The following NRXN1 variants were observed in gnomAD, a reference collection of about 807,000 sequenced individuals.
The protein encoded by NRXN1 is neurexin 1.
Under a neutral mutation model 150.9 loss-of-function variants are expected in NRXN1, and 39 were observed. The ratio of observed to expected loss-of-function variants is 0.26; its 90% CI spans 0.20 to 0.34. The LOEUF (loss-of-function observed/expected upper bound fraction) is 0.34. Among genes scored for constraint, NRXN1 ranks in the 10% least tolerant of loss-of-function variants. The pLI is 1.00. For synonymous variants in NRXN1, 924 were observed against 757.0 expected (o/e 1.22, Z -3.62); for missense variants, 1,815 against 1,949.9 (o/e 0.93, Z 1.30).
intron 17 of NRXN1, among the ~76,000 whole-genome samples, chr2:50,399,668 A>T (rs2082268847): frequency 6.6e-6 from 1 of 151,786 alleles, no homozygotes; most frequent in South Asian, 2.1e-4. Flanking sequence ...GGCTCTCACC[A>T]CTAAGTCATG....
At chr2:50,463,789 A>G (rs1408199840) in intron 17 of NRXN1, among the ~76,000 whole-genome samples, 1 of 151,800 alleles carries the variant, frequency 6.6e-6, no homozygotes. Context: ...TGGAAACTAC[A>G]TTAAGCATAG....
chr2:50,453,552 A>G (rs1218231828), intron 17 of NRXN1, among the ~76,000 whole-genome samples: 2 of 152,214 alleles, frequency 1.3e-5, no homozygotes, highest in Non-Finnish European at 2.9e-5. Flanking sequence ...TTTCAGGTAT[A>G]TTCTACTAAA....
intron 14 of NRXN1, 40 bp downstream of exon 14, chr2:50,497,293 A>C (rs199707326): frequency 7.0e-7 from 1 of 1,420,290 alleles, no homozygotes; most frequent in Non-Finnish European, 9.2e-7. Flanking sequence ...CCATTTTTCC[A>C]AAGTTTTATT....
At chr2:50,670,806 GA>G (rs1170861021) in intron 5 of NRXN1, among the ~76,000 whole-genome samples, 1 of 151,866 alleles carries the variant, frequency 6.6e-6, no homozygotes, top group Non-Finnish European at 1.5e-5. Flanking sequence ...TTATTAGATT[GA>G]GGTTATGCAT....
chr2:50,048,000 G>A (rs1282098019), intron 21 of NRXN1, among the ~76,000 whole-genome samples: 1 of 151,930 alleles, frequency 6.6e-6, no homozygotes, highest in African/African-American at 2.4e-5. Flanking sequence ...AGAGCATTTT[G>A]TCATCTAGTA....
chr2:49,939,887 T>G (rs1419516536), intron 22 of NRXN1, among the ~76,000 whole-genome samples: 1 of 152,174 alleles, frequency 6.6e-6, no homozygotes, highest in African/African-American at 2.4e-5. Context: ...TGATCAATGT[T>G]GAAGCTGATA....
At chr2:50,459,847 A>C (rs1001069959) in intron 17 of NRXN1, among the ~76,000 whole-genome samples, 1 of 152,092 alleles carries the variant, frequency 6.6e-6, no homozygotes, top group African/African-American at 2.4e-5. Flanking sequence ...TAAAAAGTAA[A>C]ATTAAACTTA....
intron 17 of NRXN1, among the ~76,000 whole-genome samples, chr2:50,355,318 A>G (rs1166446432): frequency 6.7e-6 from 1 of 150,308 alleles, no homozygotes; most frequent in East Asian, 1.9e-4. Context: ...TAGGTTACAC[A>G]TTTTGTCAGA....
intron 21 of NRXN1, among the ~76,000 whole-genome samples, chr2:50,025,058 T>C (rs1688083485): frequency 6.6e-6 from 1 of 152,146 alleles, no homozygotes; most frequent in Non-Finnish European, 1.5e-5. Flanking sequence ...CACTAGATAC[T>C]GTGAAGAGAT....
chr2:50,599,202 C>T (rs1484464671), intron 8 of NRXN1, among the ~76,000 whole-genome samples: 1 of 152,092 alleles, frequency 6.6e-6, no homozygotes, highest in Non-Finnish European at 1.5e-5. Context: ...GACTTATTTG[C>T]CCAAGGTCAC....
intron 2 of NRXN1, among the ~76,000 whole-genome samples, chr2:50,965,507 C>A (rs145995350): frequency 2.0e-5 from 3 of 151,326 alleles, no homozygotes; most frequent in Non-Finnish European, 3.0e-5. Flanking sequence ...AATTTAATAA[C>A]AAAATAATGT....
intron 17 of NRXN1, among the ~76,000 whole-genome samples, chr2:50,460,283 G>C (rs936372455): frequency 6.6e-6 from 1 of 152,052 alleles, no homozygotes; most frequent in Admixed American, 6.6e-5. Flanking sequence ...CATACTAGCA[G>C]GAAAATCCAT....
chr2:50,515,758 G>C (rs910475344), intron 12 of NRXN1, among the ~76,000 whole-genome samples: 2 of 151,936 alleles, frequency 1.3e-5, no homozygotes, highest in Non-Finnish European at 2.9e-5. Context: ...TCTGGGGTGA[G>C]GCAGGACCTT....
chr2:50,888,999 A>G (rs936430113), intron 5 of NRXN1, among the ~76,000 whole-genome samples: 1 of 151,746 alleles, frequency 6.6e-6, no homozygotes, highest in African/African-American at 2.4e-5. Context: ...TTGGTATTCT[A>G]CTTTACAGAT....
chr2:50,552,579 A>G lies in NRXN1; in HGVS notation c.1759+8T>C. On this transcript the variant is annotated splice_region_variant and intron_variant, in intron 9 of 22. Transcript: ENST00000401669. ...CAGATAAACAGCATAGAAAAATGAT[A>G]AGATTACCTGACCGTCCGTCTCTCT... 1 of 1,602,094 alleles carries G rather than the reference A, an allele frequency of 6.2e-7. No homozygotes were observed. Among genetic ancestry groups the G allele is most frequent in the Non-Finnish European group, 8.5e-7 (1 of 1,170,500 alleles).
intron 13 of NRXN1, among the ~76,000 whole-genome samples, chr2:50,502,329 GACAA>G (rs1189040754): frequency 6.6e-6 from 1 of 152,068 alleles, no homozygotes; most frequent in African/African-American, 2.4e-5. Flanking sequence ...GAAGAAATGA[GACAA>G]ACAGTCGTAA....
chr2:50,710,369 TA>T (rs1464537437), intron 5 of NRXN1, among the ~76,000 whole-genome samples: 1 of 152,202 alleles, frequency 6.6e-6, no homozygotes, highest in Non-Finnish European at 1.5e-5. Flanking sequence ...CCCACTTCTA[TA>T]AATATACACC....
intron 21 of NRXN1, among the ~76,000 whole-genome samples, chr2:49,975,680 C>G (rs374905159): frequency 1.3e-4 from 20 of 152,080 alleles, no homozygotes; most frequent in African/African-American, 4.8e-4. Flanking sequence ...AAACTTTATT[C>G]TTAAAAAATA....
At chr2:50,496,122 G>A (rs1481964338) in intron 14 of NRXN1, 27 bp from the exon 15 acceptor site, 1 of 1,527,496 alleles carries the variant, frequency 6.5e-7, no homozygotes, top group East Asian at 2.4e-5. Context: ...AGAGGGGAAA[G>A]TGCCATCACT....
Sources: gnomAD v4.1 joint callset for allele counts (sites outside exome capture counted in the v4.1 genomes callset) on GRCh38, gnomAD v4.1.1 for gene constraint, MANE v1.5 for transcripts, NCBI Gene and HGNC (gene_info 2026-07-23, HGNC 2026-07-21) for gene names.